NTM: variants seen among roughly 807,000 people sequenced by gnomAD.
NTM encodes the protein IgLON family member 2.
Under a neutral mutation model 42.1 loss-of-function variants are expected in NTM, and 13 were observed. The observed-to-expected ratio is 0.31, with a 90% CI of 0.20 to 0.49. The LOEUF (loss-of-function observed/expected upper bound fraction) is 0.49. NTM is among the 20% of genes least tolerant of loss of function. The probability of loss-of-function intolerance (pLI) is 0.99; values close to 1 mark genes in which losing one functional copy is unlikely to be tolerated. For missense variants in NTM, 373 were observed against 452.8 expected (o/e 0.82, Z 1.60); for synonymous variants, 187 against 179.2 (o/e 1.04, Z -0.35).
chr11:132,250,343 C>T (rs2088183117), intron 4 of NTM, among the ~76,000 whole-genome samples: 1 of 152,142 alleles, frequency 6.6e-6, no homozygotes, highest in Admixed American at 6.5e-5. Context: ...GTTCACGATG[C>T]TGTGTTAGCT....
intron 1 of NTM, among the ~76,000 whole-genome samples, chr11:131,775,543 C>T (rs1006028451): frequency 1.3e-5 from 2 of 152,082 alleles, no homozygotes; most frequent in African/African-American, 2.4e-5. Flanking sequence ...ACATTAGTTC[C>T]TGCATGTCCC....
chr11:132,128,860 T>C (rs2066304971), intron 2 of NTM, among the ~76,000 whole-genome samples: 1 of 142,918 alleles, frequency 7.0e-6, no homozygotes, highest in African/African-American at 2.7e-5. Context: ...ATGGCATGAA[T>C]CCGGGAGGCA....
chr11:131,747,075 T>C (rs559623992), intron 1 of NTM, among the ~76,000 whole-genome samples: 2 of 152,370 alleles, frequency 1.3e-5, no homozygotes, highest in South Asian at 4.1e-4. Context: ...AAGATTATGA[T>C]AAGCCTTTCT....
At chr11:131,869,221 C>A (rs1313067192) in intron 1 of NTM, among the ~76,000 whole-genome samples, 1 of 152,160 alleles carries the variant, frequency 6.6e-6, no homozygotes, top group African/African-American at 2.4e-5. Flanking sequence ...CTCCCGGGCC[C>A]TCTCCCTTCC....
chr11:132,059,696 C>A (rs1387809158), intron 2 of NTM, among the ~76,000 whole-genome samples: 1 of 152,104 alleles, frequency 6.6e-6, no homozygotes, highest in Non-Finnish European at 1.5e-5. Flanking sequence ...CCCATGGACT[C>A]CACTTGAGAG....
At chr11:132,091,405 CA>C (rs542142067) in intron 2 of NTM, among the ~76,000 whole-genome samples, 9 of 149,026 alleles carry the variant, frequency 6.0e-5, no homozygotes, top group African/African-American at 7.4e-5. Flanking sequence ...GACTCTGTCT[CA>C]AAAAAAAATA....
At chr11:132,091,407 A>G (rs373696420) in intron 2 of NTM, among the ~76,000 whole-genome samples, 54 of 151,874 alleles carry the variant, frequency 3.6e-4, no homozygotes, top group African/African-American at 1.3e-3. Context: ...CTCTGTCTCA[A>G]AAAAAAATAA....
intron 2 of NTM, among the ~76,000 whole-genome samples, chr11:132,078,466 T>C (rs2058637620): frequency 6.6e-6 from 1 of 152,062 alleles, no homozygotes; most frequent in Non-Finnish European, 1.5e-5. Context: ...TTTCAGAAAA[T>C]GAACTGCTTC....
chr11:131,715,977 A>G (rs1412632209), intron 1 of NTM, among the ~76,000 whole-genome samples: 2 of 152,194 alleles, frequency 1.3e-5, no homozygotes, highest in Non-Finnish European at 2.9e-5. Context: ...CAGTCTTTGC[A>G]TGGTGTCTTA....
intron 4 of NTM, among the ~76,000 whole-genome samples, chr11:132,250,084 TCA>T (rs2139363958): frequency 6.6e-6 from 1 of 152,372 alleles, no homozygotes; most frequent in Non-Finnish European, 1.5e-5. Flanking sequence ...GCATATTTTC[TCA>T]GTTTTTGTTT....
chr11:131,805,717 T>C (rs918938912), intron 1 of NTM, among the ~76,000 whole-genome samples: 1 of 152,230 alleles, frequency 6.6e-6, no homozygotes, highest in Non-Finnish European at 1.5e-5. Flanking sequence ...ATACACTTCT[T>C]TATTGTCAAT....
chr11:132,193,779 G>T (rs377334445), intron 3 of NTM, among the ~76,000 whole-genome samples: 8 of 152,062 alleles, frequency 5.3e-5, no homozygotes, highest in African/African-American at 1.9e-4. Context: ...AATGACAAAG[G>T]TGACATTACA....
chr11:131,574,063 A>G (rs2057706343), intron 1 of NTM, among the ~76,000 whole-genome samples: 1 of 152,002 alleles, frequency 6.6e-6, no homozygotes, highest in South Asian at 2.1e-4. Context: ...GTTGGGGAGG[A>G]GTTCGGCTGT....
chr11:131,529,178 T>C (rs979226239), intron 1 of NTM, among the ~76,000 whole-genome samples: 1 of 152,248 alleles, frequency 6.6e-6, no homozygotes. Flanking sequence ...CTGCGGCTAA[T>C]GGCACAATTT....
At chr11:131,685,180 C>A (rs1334189312) in intron 1 of NTM, among the ~76,000 whole-genome samples, 1 of 152,210 alleles carries the variant, frequency 6.6e-6, no homozygotes, top group African/African-American at 2.4e-5. Flanking sequence ...TTGCAGAAGC[C>A]CAGCAGTTGG....
intron 1 of NTM, among the ~76,000 whole-genome samples, chr11:131,475,193 C>T (rs1481219733): frequency 6.6e-6 from 1 of 152,158 alleles, no homozygotes; most frequent in Non-Finnish European, 1.5e-5. Flanking sequence ...CTTTTGCAAA[C>T]CAAGCCCAAC....
chr11:131,562,371 T>A (rs1247052866), intron 1 of NTM, among the ~76,000 whole-genome samples: 2 of 152,020 alleles, frequency 1.3e-5, no homozygotes, highest in African/African-American at 4.8e-5. Flanking sequence ...TGAAGTATAA[T>A]CTCATGAGGA....
At chr11:131,828,211 C>G (rs973709277) in intron 1 of NTM, among the ~76,000 whole-genome samples, 1 of 152,088 alleles carries the variant, frequency 6.6e-6, no homozygotes, top group Admixed American at 6.5e-5. Context: ...CAACCCTGTG[C>G]GTAGCAAGTA....
At chr11:132,266,269 CA>C (rs1328756662) in intron 4 of NTM, among the ~76,000 whole-genome samples, 1 of 152,152 alleles carries the variant, frequency 6.6e-6, no homozygotes, top group African/African-American at 2.4e-5. Context: ...CTGTGTCGCC[CA>C]GTCTCCCAGG....
Sources: gnomAD v4.1 joint callset for allele counts (sites outside exome capture counted in the v4.1 genomes callset) on GRCh38, gnomAD v4.1.1 for gene constraint, MANE v1.5 for transcripts, NCBI Gene and HGNC (gene_info 2026-07-23, HGNC 2026-07-21) for gene names.